The following RASA1 variants were observed in gnomAD, a reference collection of about 807,000 sequenced individuals.
RASA1 encodes ras GTPase-activating protein 1.
In RASA1, 25 loss-of-function variants were observed where a neutral mutation model predicts 132.2. That is an observed-to-expected ratio of 0.19 (90% CI 0.14 to 0.26). RASA1 has a LOEUF of 0.26. Among genes scored for constraint, RASA1 ranks in the 10% least tolerant of loss-of-function variants. The pLI, the probability that RASA1 is intolerant of heterozygous loss-of-function variation, is 1.00. For synonymous variants in RASA1, 477 were observed against 449.9 expected, an observed-to-expected ratio of 1.06 and a Z score of -0.76; for missense variants, 964 against 1,299.2, an observed-to-expected ratio of 0.74 and a Z score of 3.97.
intron 1 of RASA1, among the ~76,000 whole-genome samples, chr5:87,291,854 A>G (rs1561260446): frequency 6.6e-6 from 1 of 152,348 alleles, no homozygotes; most frequent in East Asian, 1.9e-4. Context: ...ACCATGAGCC[A>G]GTTAAACCAC....
intron 6 of RASA1, among the ~76,000 whole-genome samples, chr5:87,341,761 T>C (rs1228007090): frequency 2.0e-5 from 3 of 152,156 alleles, no homozygotes; most frequent in Admixed American, 6.5e-5. Context: ...TTTATGTATA[T>C]GTAAGTTTTC....
Position 87,338,525 on chromosome 5 carries a change from A to T in RASA1, c.1017+434A>T, listed in dbSNP as rs1260059413. ...TTTATATATATATATATATATATAT[A>T]TATATATAAAATTTTTTTTTTTTTT... On this transcript the variant is annotated intron_variant, in intron 5 of 24. Transcript: ENST00000274376. 1.2e-3 allele frequency among the ~76,000 whole-genome samples: 119 copies of T among 98,316 alleles called. 3 individuals are homozygous for T. Among genetic ancestry groups the T allele is most frequent in the African/African-American group, 3.9e-3 (94 of 24,352 alleles). 64.5% of individuals were successfully genotyped at this position (98,316 alleles called of 152,430 possible).
At chr5:87,286,553 A>G (rs767404279) in intron 1 of RASA1, among the ~76,000 whole-genome samples, 2 of 152,028 alleles carry the variant, frequency 1.3e-5, no homozygotes, top group African/African-American at 2.4e-5. Context: ...TTGTGATACA[A>G]TTCTATTTTC....
chr5:87,336,449 T>G (rs959029870), intron 4 of RASA1, among the ~76,000 whole-genome samples: 6 of 152,094 alleles, frequency 3.9e-5, no homozygotes, highest in Non-Finnish European at 8.8e-5. Context: ...TATGAGTCTT[T>G]TAAAAAGTTT....
At chr5:87,385,629 A>G (rs1174740936) in intron 22 of RASA1, among the ~76,000 whole-genome samples, 1 of 152,128 alleles carries the variant, frequency 6.6e-6, no homozygotes, top group Non-Finnish European at 1.5e-5. Context: ...AGTGTACTCA[A>G]ATTCTCCCAC....
At chr5:87,302,499 T>C (rs1755410602) in intron 1 of RASA1, among the ~76,000 whole-genome samples, 1 of 151,452 alleles carries the variant, frequency 6.6e-6, no homozygotes, top group Non-Finnish European at 1.5e-5. Flanking sequence ...TTTCGCACTG[T>C]TGTTTTTTTA....
chr5:87,387,639 T>A (rs569218229), intron 23 of RASA1, among the ~76,000 whole-genome samples: 1 of 152,206 alleles, frequency 6.6e-6, no homozygotes, highest in African/African-American at 2.4e-5. Flanking sequence ...GATTGAGGTG[T>A]CCATGTTCTG....
In RASA1 at chr5:87,319,456, C is replaced by T. The variant is rs75639709; in HGVS notation, c.540-11892C>T. On this transcript the variant is annotated intron_variant, in intron 1 of 24. Coordinates refer to ENST00000274376, the MANE Select transcript of RASA1 (RefSeq NM_002890.3). ...TGAAATCAAGGTGGAGGCTCCCAAA[C>T]CTCTTCTCTTGCCTTTTGTGCACCC... 2.4e-4 allele frequency among the ~76,000 whole-genome samples: 36 copies of T among 152,294 alleles called. No individual in the cohort carries two copies. The East Asian group carries it at 3.7e-3, about 15-fold the overall frequency.
intron 7 of RASA1, among the ~76,000 whole-genome samples, chr5:87,348,144 C>G (rs1229506448): frequency 6.6e-6 from 1 of 151,846 alleles, no homozygotes; most frequent in African/African-American, 2.4e-5. Flanking sequence ...TCATTTTAGC[C>G]CATATTATAC....
intron 1 of RASA1, chr5:87,330,900 A>C: frequency 1.5e-6 from 2 of 1,292,238 alleles, no homozygotes; most frequent in Non-Finnish European, 2.0e-6. Context: ...GCAGGGCACA[A>C]ACACTAAAAT....
At chr5:87,362,787 CTT>C (rs1300496187) in intron 10 of RASA1, 116 bp downstream of exon 10, 15 of 1,208,856 alleles carry the variant, frequency 1.2e-5, no homozygotes, top group Non-Finnish European at 1.7e-5. Context: ...GTAATTGACA[CTT>C]GTTTAGAGCC....
At chr5:87,272,009 G>T (rs1353921673) in intron 1 of RASA1, among the ~76,000 whole-genome samples, 3 of 151,724 alleles carry the variant, frequency 2.0e-5, no homozygotes, top group Admixed American at 6.6e-5. Flanking sequence ...AAAATCAGCC[G>T]GTCGTGTTGG....
intron 7 of RASA1, among the ~76,000 whole-genome samples, chr5:87,347,615 A>C (rs1414648955): frequency 6.6e-6 from 1 of 152,048 alleles, no homozygotes; most frequent in Non-Finnish European, 1.5e-5. Flanking sequence ...TCCATAAAGC[A>C]CTGCATTTTA....
intron 23 of RASA1, among the ~76,000 whole-genome samples, chr5:87,387,259 G>C (rs1288664223): frequency 6.6e-6 from 1 of 152,050 alleles, no homozygotes; most frequent in Admixed American, 6.6e-5. Context: ...TATGTGGGGC[G>C]TGAAGCAAGA....
At chr5:87,277,106 T>G (rs1754097986) in intron 1 of RASA1, among the ~76,000 whole-genome samples, 1 of 152,242 alleles carries the variant, frequency 6.6e-6, no homozygotes, top group African/African-American at 2.4e-5. Flanking sequence ...TATTTAATTC[T>G]TACAATGATA....
chr5:87,276,705 A>C (rs1249870385), intron 1 of RASA1, among the ~76,000 whole-genome samples: 1 of 152,196 alleles, frequency 6.6e-6, no homozygotes, highest in Admixed American at 6.5e-5. Context: ...TCATACCATA[A>C]TTCTCTTGAA....
rs1757726554 is a variant in RASA1, at chr5:87,333,246, T to TC, written c.829-21_829-20insC. On this transcript the variant is annotated intron_variant, in intron 3 of 24. Coordinates refer to ENST00000274376, the MANE Select transcript of RASA1 (RefSeq NM_002890.3). ...ATAAAAAGACTATCTTTTTAAATCT[T>TC]TTTTTTTTTATGGTTTCTAGCCAGT... 6 of 1,581,552 alleles carry TC rather than the reference T, an allele frequency of 3.8e-6. No homozygotes were observed. The East Asian group carries it at 1.4e-4, about 36-fold the overall frequency.
chr5:87,374,456 TA>T (rs1374653099), intron 14 of RASA1, 136 bp downstream of exon 14: 15 of 270,270 alleles, frequency 5.6e-5, no homozygotes, highest in African/African-American at 1.8e-4. Context: ...TATATATATA[TA>T]TATTTTTTTT....
chr5:87,289,407 G>A (rs1166551476), intron 1 of RASA1, among the ~76,000 whole-genome samples: 1 of 152,070 alleles, frequency 6.6e-6, no homozygotes, highest in East Asian at 1.9e-4. Flanking sequence ...AATAGCCGTT[G>A]ATTATTTTTA....
Sources: allele counts gnomAD v4.1 joint callset (sites outside exome capture counted in the v4.1 genomes callset), GRCh38; gene constraint gnomAD v4.1.1; transcripts MANE v1.5; gene names NCBI Gene and HGNC (gene_info 2026-07-23, HGNC 2026-07-21).